ZNF652: variants seen among roughly 807,000 people sequenced by gnomAD.
ZNF652 encodes zinc finger protein 652.
Under a neutral mutation model 45.2 loss-of-function variants are expected in ZNF652, and 16 were observed. That is an observed-to-expected ratio of 0.35 (90% confidence interval 0.24 to 0.54). The LOEUF (loss-of-function observed/expected upper bound fraction) is 0.54. ZNF652 is among the 20% of genes least tolerant of loss of function. The probability of loss-of-function intolerance (pLI) is 0.91; values close to 1 mark genes in which losing one functional copy is unlikely to be tolerated. For missense variants in ZNF652, 614 were observed against 765.6 expected, an observed-to-expected ratio of 0.80 and a Z score of 2.34; for synonymous variants, 250 against 260.6, an observed-to-expected ratio of 0.96 and a Z score of 0.39.
In ZNF652 at chr17:49,350,982, T is replaced by C. The variant is rs955868720; in HGVS notation, c.-259+10927A>G. On this transcript the variant is annotated intron_variant, in intron 1 of 5. Transcript: ENST00000430262. ...AAGACTCTGTCTACATATATATATA[T>C]ATATATATATATATATATATATATA... Among the ~76,000 whole-genome samples the C allele has an allele frequency of 1.7e-3, 33 of 19,262 alleles. 1 individual carries two copies. Among genetic ancestry groups the C allele is most frequent in the Middle Eastern group, 0.014 (1 of 70 alleles). The allele number at this position is 19,262 out of a possible 152,430, so 12.6% of individuals were successfully genotyped here.
intron 1 of ZNF652, among the ~76,000 whole-genome samples, chr17:49,352,397 A>G (rs1256033806): frequency 2.0e-5 from 3 of 152,194 alleles, no homozygotes; most frequent in African/African-American, 7.2e-5. Context: ...GAAAAGTTAA[A>G]TGGCTCCTCT....
chr17:49,304,014 G>A (rs1016641753), intron 5 of ZNF652, among the ~76,000 whole-genome samples: 2 of 150,442 alleles, frequency 1.3e-5, no homozygotes, highest in Non-Finnish European at 3.0e-5. Context: ...TCAGCCTCCC[G>A]AGTAGCTGGG....
rs186026744 is a variant in ZNF652, at chr17:49,290,679, A to C, written c.*7734T>G. On this transcript the variant is annotated 3_prime_UTR_variant, in exon 6 of 6. Transcript: ENST00000430262. ...TTCAATCTGGGGATCATCAATATGT[A>C]AAAAGTCTAATTAATTAAGATGCCT... The C allele has an allele frequency of 1.3e-3, 192 of 152,312 alleles. No individual in the cohort carries two copies. The highest frequency in any genetic ancestry group is 2.0e-3 in the Admixed American group (31 of 15,284). The allele number at this position is 152,312 out of a possible 1,614,324, so 9.4% of individuals were successfully genotyped here.
chr17:49,314,691 G>A (rs2069773550), intron 2 of ZNF652, among the ~76,000 whole-genome samples: 3 of 151,948 alleles, frequency 2.0e-5, no homozygotes, highest in Non-Finnish European at 2.9e-5. Context: ...GAAAGCTCTT[G>A]GTAATCATTA....
At position 49,354,191 on chromosome 17, in the gene ZNF652, T is replaced by G. The variant is rs1406683379; in HGVS notation, c.-259+7718A>C. ...ATTTTCTCACTTAGCAATAGTTTCT[T>G]ATTATATTATATAAGCTTTAAATAT... On this transcript the variant is annotated intron_variant, in intron 1 of 5. Coordinates refer to ENST00000430262, the MANE Select transcript of ZNF652 (RefSeq NM_001145365.3). Among the ~76,000 whole-genome samples the G allele has an allele frequency of 2.0e-5, 3 of 152,142 alleles. 1 individual carries two copies. In the South Asian group the frequency reaches 6.2e-4, roughly 31 times the overall value.
At chr17:49,288,993 T>C (rs2069368283), downstream of ZNF652, among the ~76,000 whole-genome samples, 2 of 152,182 alleles carry the variant, frequency 1.3e-5, no homozygotes, top group African/African-American at 4.8e-5. Context: ...ACTCTGCCTT[T>C]GGTTAACAGC....
At chr17:49,359,163 G>C (rs2070367624) in intron 1 of ZNF652, among the ~76,000 whole-genome samples, 1 of 152,154 alleles carries the variant, frequency 6.6e-6, no homozygotes, top group Non-Finnish European at 1.5e-5. Flanking sequence ...TATATACAAA[G>C]AAAAGTAACC....
At chr17:49,352,257 C>A (rs1026848518) in intron 1 of ZNF652, among the ~76,000 whole-genome samples, 1 of 149,382 alleles carries the variant, frequency 6.7e-6, no homozygotes, top group Non-Finnish European at 1.5e-5. Context: ...TTTTTTTTCA[C>A]AAGCAAACAA....
At chr17:49,356,852 C>A (rs1167689542) in intron 1 of ZNF652, among the ~76,000 whole-genome samples, 1 of 152,196 alleles carries the variant, frequency 6.6e-6, no homozygotes, top group African/African-American at 2.4e-5. Context: ...TATCACAACG[C>A]TATCCTGCAA....
At chr17:49,346,362 C>T (rs1289365423) in intron 1 of ZNF652, among the ~76,000 whole-genome samples, 2 of 152,202 alleles carry the variant, frequency 1.3e-5, no homozygotes, top group Non-Finnish European at 2.9e-5. Context: ...ACCAACCTGG[C>T]CAATGTGGCA....
intron 1 of ZNF652, among the ~76,000 whole-genome samples, chr17:49,337,749 T>C (rs1323605037): frequency 6.6e-6 from 1 of 152,210 alleles, no homozygotes; most frequent in East Asian, 1.9e-4. Context: ...CTAATTAAAA[T>C]GTGAAGTTTA....
At chr17:49,347,165 C>G (rs1412008171) in intron 1 of ZNF652, among the ~76,000 whole-genome samples, 1 of 152,102 alleles carries the variant, frequency 6.6e-6, no homozygotes, top group Non-Finnish European at 1.5e-5. Flanking sequence ...AAATGAAGGG[C>G]AAAAATCATT....
chr17:49,346,272 T>G (rs1393275956), intron 1 of ZNF652, among the ~76,000 whole-genome samples: 7 of 152,170 alleles, frequency 4.6e-5, no homozygotes, highest in Non-Finnish European at 2.9e-5. Context: ...ACAAACAGGA[T>G]GGGCTCAGTG....
At chr17:49,355,623 G>A (rs1209550041) in intron 1 of ZNF652, among the ~76,000 whole-genome samples, 1 of 152,092 alleles carries the variant, frequency 6.6e-6, no homozygotes, top group African/African-American at 2.4e-5. Context: ...GTAGTGACCG[G>A]GCGCGGTGGC....
At chr17:49,300,159 A>G (rs2240300) in intron 5 of ZNF652, among the ~76,000 whole-genome samples, 32,915 of 152,096 alleles carry the variant, frequency 0.22, 3,743 homozygotes, top group South Asian at 0.32. Context: ...TTCACACCAC[A>G]GTGTTTCTCA....
Position 49,317,738 on chromosome 17 carries a change from C to G in ZNF652, c.-13G>C. 1 of 1,562,024 alleles carries G rather than the reference C, an allele frequency of 6.4e-7. No individual in the cohort carries two copies. Among genetic ancestry groups the G allele is most frequent in the Non-Finnish European group, 8.7e-7 (1 of 1,151,166 alleles). On this transcript the variant is annotated 5_prime_UTR_variant, in exon 2 of 6. Transcript: ENST00000430262. ...CTGTGTGGCTCATTGGTAAGTGGCC[C>G]AATTTATTAAACAGTTCAGACTATA...
rs10609861 is a variant in ZNF652, at chr17:49,293,655, TAAAAAAAAAA to T, written c.*4748_*4757del. Among the ~76,000 whole-genome samples the T allele has an allele frequency of 1.3e-5, 1 of 78,302 alleles. No individual in the cohort carries two copies. Among genetic ancestry groups the T allele is most frequent in the Non-Finnish European group, 2.7e-5 (1 of 36,736 alleles). The allele number at this position is 78,302 out of a possible 152,430, so 51.4% of individuals were successfully genotyped here. ...CTAATGGCTTATGACCTTTCATTCCTAAAAAAAAAAAAAAAAAAAAAAAAAAAAAACTCTT... is the reference window on the plus strand; with the variant it reads ...CTAATGGCTTATGACCTTTCATTCCTAAAAAAAAAAAAAAAAAAAACTCTT... On this transcript the variant is annotated 3_prime_UTR_variant, in exon 6 of 6. Coordinates refer to ENST00000430262, the MANE Select transcript of ZNF652 (RefSeq NM_001145365.3).
intron 1 of ZNF652, among the ~76,000 whole-genome samples, chr17:49,339,781 G>A (rs1365595806): frequency 6.6e-6 from 1 of 152,206 alleles, no homozygotes; most frequent in Non-Finnish European, 1.5e-5. Context: ...TGAAGACAGA[G>A]CCATTGTTCC....
chr17:49,357,725 TTAA>T (rs2070352552), intron 1 of ZNF652, among the ~76,000 whole-genome samples: 1 of 152,186 alleles, frequency 6.6e-6, no homozygotes, highest in Non-Finnish European at 1.5e-5. Context: ...TTGAGATACG[TTAA>T]TGTCCTAAAA....
Sources: gnomAD v4.1 joint callset for allele counts (sites outside exome capture counted in the v4.1 genomes callset) on GRCh38, gnomAD v4.1.1 for gene constraint, MANE v1.5 for transcripts, NCBI Gene and HGNC (gene_info 2026-07-23, HGNC 2026-07-21) for gene names.